Variants in PDE5A observed in about 807,000 individuals in gnomAD.
PDE5A encodes phosphodiesterase 5A.
Under a neutral mutation model 110.2 loss-of-function variants are expected in PDE5A, and 67 were observed. The observed-to-expected ratio is 0.61, with a 90% CI of 0.50 to 0.75. PDE5A has a LOEUF of 0.75. Among genes scored for constraint, PDE5A ranks in the 30% least tolerant of loss-of-function variants. The probability of loss-of-function intolerance (pLI) is 0.00; values close to 1 mark genes in which losing one functional copy is unlikely to be tolerated. For missense variants in PDE5A, 862 were observed against 1,045.1 expected, an observed-to-expected ratio of 0.82 and a Z score of 2.42; for synonymous variants, 328 against 351.2, an observed-to-expected ratio of 0.93 and a Z score of 0.74.
chr4:119,582,008 C>A (rs12503853), intron 3 of PDE5A, among the ~76,000 whole-genome samples: 115,383 of 152,106 alleles, frequency 0.76, 44,108 homozygotes, highest in East Asian at 0.89. Context: ...TGGTTGCTGA[C>A]GGACGGGGCT....
At chr4:119,549,856 C>T (rs1317760842) in intron 9 of PDE5A, 1 of 152,158 alleles carries the variant, frequency 6.6e-6, no homozygotes, top group Non-Finnish European at 1.5e-5. Flanking sequence ...TGTGATGGGA[C>T]AGCAGGCCCC....
chr4:119,587,643 C>T (rs915666599), intron 3 of PDE5A, among the ~76,000 whole-genome samples: 1 of 152,158 alleles, frequency 6.6e-6, no homozygotes, highest in Non-Finnish European at 1.5e-5. Flanking sequence ...CTCGACTTCC[C>T]CAAGTGCTGG....
At chr4:119,516,632 T>C (rs1725916772) in intron 14 of PDE5A, among the ~76,000 whole-genome samples, 1 of 148,250 alleles carries the variant, frequency 6.7e-6, no homozygotes, top group Non-Finnish European at 1.5e-5. Context: ...CATTCTTTTT[T>C]TTTTGAGATA....
intron 11 of PDE5A, among the ~76,000 whole-genome samples, chr4:119,527,752 TTTA>T (rs1726377425): frequency 6.6e-6 from 1 of 152,088 alleles, no homozygotes; most frequent in African/African-American, 2.4e-5. Context: ...TTCAGGGGAT[TTTA>T]TTATTGCATT....
intron 11 of PDE5A, among the ~76,000 whole-genome samples, chr4:119,526,570 G>A (rs1336742071): frequency 6.6e-6 from 1 of 152,110 alleles, no homozygotes; most frequent in East Asian, 1.9e-4. Context: ...AGGCCTTTAC[G>A]TGGTTTGAAG....
intron 5 of PDE5A, 57 bp from the exon 6 acceptor site, chr4:119,563,027 C>T: frequency 7.0e-7 from 1 of 1,420,988 alleles, no homozygotes; most frequent in South Asian, 1.4e-5. Flanking sequence ...TATTAAAGCA[C>T]AATTATTTAT....
chr4:119,621,941 C>T (rs189323881), intron 1 of PDE5A, among the ~76,000 whole-genome samples: 53 of 151,866 alleles, frequency 3.5e-4, no homozygotes, highest in African/African-American at 1.2e-3. Context: ...GAGGCCGAGG[C>T]GGGGGGATCA....
intron 4 of PDE5A, among the ~76,000 whole-genome samples, chr4:119,566,410 C>T (rs1341608781): frequency 1.3e-5 from 2 of 152,084 alleles, no homozygotes; most frequent in Non-Finnish European, 2.9e-5. Flanking sequence ...CACATAATTA[C>T]TTATTCAATA....
chr4:119,502,700 A>G (rs202048582), intron 18 of PDE5A, 45 bp from the exon 19 acceptor site: 95 of 1,270,740 alleles, frequency 7.5e-5, no homozygotes, highest in Non-Finnish European at 9.8e-5. Flanking sequence ...AAAGCATATC[A>G]TTCTTTAAAA....
Position 119,525,735 on chromosome 4 carries a change from T to A in PDE5A, c.1633-40A>T, listed in dbSNP as rs778264153. On this transcript the variant is annotated intron_variant, in intron 11 of 20. Coordinates refer to ENST00000354960, the MANE Select transcript of PDE5A (RefSeq NM_001083.4). This position sits in a 1 kb window ranked among gnomAD's most constrained non-coding sequence, Gnocchi z 4.3. Reference sequence around the variant, plus strand: ...GAAGAAAAAAAAAAATGCTGTTAATTAAAGCAGCAGTGATTTGCAAGGTTT... The same window carrying A: ...GAAGAAAAAAAAAAATGCTGTTAATAAAAGCAGCAGTGATTTGCAAGGTTT... 1 of 1,579,620 alleles carries A rather than the reference T, an allele frequency of 6.3e-7. No individual in the cohort carries two copies. The highest frequency in any genetic ancestry group is 1.8e-5 in the Admixed American group (1 of 54,620).
chr4:119,548,247 ACC>A (rs1208101412), intron 9 of PDE5A: 1 of 151,578 alleles, frequency 6.6e-6, no homozygotes, highest in East Asian at 1.9e-4. Flanking sequence ...ACGGGGTTTC[ACC>A]GTGTTAGCCA....
intron 11 of PDE5A, among the ~76,000 whole-genome samples, chr4:119,535,223 T>C (rs971945612): frequency 1.2e-4 from 18 of 152,046 alleles, no homozygotes; most frequent in African/African-American, 4.3e-4. Context: ...ATTTATTTAG[T>C]ACAGATTTAA....
At chr4:119,583,757 T>C (rs1728667738) in intron 3 of PDE5A, among the ~76,000 whole-genome samples, 1 of 152,024 alleles carries the variant, frequency 6.6e-6, no homozygotes, top group South Asian at 2.1e-4. Flanking sequence ...GGTGAAAGCT[T>C]TGGTGAAGTA....
chr4:119,573,467 A>G (rs1370762333), intron 3 of PDE5A, among the ~76,000 whole-genome samples: 2 of 152,200 alleles, frequency 1.3e-5, no homozygotes, highest in Non-Finnish European at 2.9e-5. Context: ...TTATTGGCTA[A>G]GCTGGTATCC....
At position 119,627,067 on chromosome 4, in the gene PDE5A, G is replaced by C; in HGVS notation, c.152+1453C>G. 2 of 1,498,032 alleles carry C rather than the reference G, an allele frequency of 1.3e-6. No individual in the cohort carries two copies. Among genetic ancestry groups the C allele is most frequent in the Non-Finnish European group, 1.8e-6 (2 of 1,087,422 alleles). 92.8% of individuals were successfully genotyped at this position (1,498,032 alleles called of 1,614,324 possible). On this transcript the variant is annotated intron_variant, in intron 1 of 20. Transcript: ENST00000354960. This position sits in a 1 kb window ranked among gnomAD's most constrained non-coding sequence, Gnocchi z 4.6. ...GATACATCGTCCCACTGGTGCCACC[G>C]GGGCGCCACCACCCAGCACCCGAGA...
chr4:119,580,141 AATGCTTGGC>A (rs1394490282), intron 3 of PDE5A, among the ~76,000 whole-genome samples: 3 of 152,106 alleles, frequency 2.0e-5, no homozygotes, highest in Admixed American at 6.5e-5. Flanking sequence ...CCCACGAGGG[AATGCTTGGC>A]ATAATTATTG....
intron 6 of PDE5A, among the ~76,000 whole-genome samples, chr4:119,561,087 C>A (rs1279997976): frequency 6.6e-6 from 1 of 152,184 alleles, no homozygotes; most frequent in Admixed American, 6.5e-5. Flanking sequence ...TGAGATCGTG[C>A]CACTGCACTC....
At position 119,525,784 on chromosome 4, in the gene PDE5A, G is replaced by A. The variant is rs912418812; in HGVS notation, c.1633-89C>T. On this transcript the variant is annotated intron_variant, in intron 11 of 20. Transcript: ENST00000354960. This position sits in a 1 kb window ranked among gnomAD's most constrained non-coding sequence, Gnocchi z 4.3. ...TTTCTTGTTTTGCTGCAGAGAAATAGCATATTGTGGCTTTTTTTTCCTTTT... is the reference window on the plus strand; with the variant it reads ...TTTCTTGTTTTGCTGCAGAGAAATAACATATTGTGGCTTTTTTTTCCTTTT... 3.1e-6 allele frequency: 4 copies of A among 1,298,050 alleles called. No homozygotes were observed. The highest frequency in any genetic ancestry group is 3.0e-5 in the African/African-American group (2 of 67,040). The allele number at this position is 1,298,050 out of a possible 1,614,324, so 80.4% of individuals were successfully genotyped here.
Position 119,539,022 on chromosome 4 carries a change from AC to A in PDE5A, c.1573-4del. Reference sequence around the variant, plus strand: ...GCTGAAGCATGATACGACAGAACCTACAGGGTAGGAAAAGAAGTCCAGGTTA... The same window carrying A: ...GCTGAAGCATGATACGACAGAACCTAAGGGTAGGAAAAGAAGTCCAGGTTA... On this transcript the variant is annotated splice_region_variant and splice_polypyrimidine_tract_variant and intron_variant, in intron 10 of 20. Transcript: ENST00000354960. 6.2e-7 allele frequency: 1 copy of A among 1,611,598 alleles called. No homozygotes were observed.
Sources: gnomAD v4.1 joint callset for allele counts (sites outside exome capture counted in the v4.1 genomes callset) on GRCh38, gnomAD v4.1.1 for gene constraint, Gnocchi (gnomAD v3.1) non-coding constraint, MANE v1.5 for transcripts, NCBI Gene and HGNC (gene_info 2026-07-23, HGNC 2026-07-21) for gene names.